Variants in SGCG observed in about 807,000 individuals in gnomAD.
SGCG encodes the protein gamma-sarcoglycan.
Under a neutral mutation model 29.3 loss-of-function variants are expected in SGCG, and 26 were observed. The ratio of observed to expected loss-of-function variants is 0.89; its 90% CI spans 0.65 to 1.23. The LOEUF is 1.23. Among genes scored for constraint, SGCG ranks in the 50% most tolerant of loss-of-function variants. The pLI, the probability that SGCG is intolerant of heterozygous loss-of-function variation, is 0.00. For missense variants in SGCG, 353 were observed against 356.0 expected (o/e 0.99, Z 0.07); for synonymous variants, 145 against 129.7 (o/e 1.12, Z -0.80).
chr13:23,230,905 GTATGA>G (rs1879083152), intron 2 of SGCG, among the ~76,000 whole-genome samples: 1 of 152,090 alleles, frequency 6.6e-6, no homozygotes, highest in African/African-American at 2.4e-5. Context: ...TAACCATTCA[GTATGA>G]TATTGGCTGT....
At chr13:23,172,575 A>G in the SGCG span, among the ~76,000 whole-genome samples, 1 of 152,204 alleles carries the variant, frequency 6.6e-6, no homozygotes, top group Non-Finnish European at 1.5e-5. Context: ...TAACCATATT[A>G]TTGAGTATGT....
chr13:23,260,908 C>G (rs1593203487), intron 4 of SGCG, among the ~76,000 whole-genome samples: 1 of 152,242 alleles, frequency 6.6e-6, no homozygotes, highest in African/African-American at 2.4e-5. Flanking sequence ...GAGATCTGCT[C>G]TTAGTCTTAT....
At chr13:23,264,731 A>G (rs1375039381) in intron 4 of SGCG, among the ~76,000 whole-genome samples, 1 of 152,240 alleles carries the variant, frequency 6.6e-6, no homozygotes, top group Non-Finnish European at 1.5e-5. Context: ...AAGTAGATAC[A>G]TAGATCAATG....
At chr13:23,296,143 C>T (rs1276826813) in intron 6 of SGCG, among the ~76,000 whole-genome samples, 3 of 152,220 alleles carry the variant, frequency 2.0e-5, no homozygotes, top group Non-Finnish European at 4.4e-5. Flanking sequence ...TTTTACAATT[C>T]TTAACACAAA....
At chr13:23,177,659 C>A (rs759514908), upstream of SGCG, among the ~76,000 whole-genome samples, 1 of 147,274 alleles carries the variant, frequency 6.8e-6, no homozygotes, top group Admixed American at 6.8e-5. Context: ...GCAACTACCA[C>A]CTCCCAGGTT....
At chr13:23,227,570 C>T (rs1276366365) in intron 2 of SGCG, among the ~76,000 whole-genome samples, 1 of 152,176 alleles carries the variant, frequency 6.6e-6, no homozygotes. Context: ...GTTTGGCACA[C>T]AACCAATGGA....
intron 1 of SGCG, among the ~76,000 whole-genome samples, chr13:23,186,773 A>G (rs55669067): frequency 0.14 from 21,757 of 152,146 alleles, 1,679 homozygotes; most frequent in Non-Finnish European, 0.18. Flanking sequence ...GGGCTCATGT[A>G]CCTAGCGCCC....
At chr13:23,207,566 C>T (rs1286571353) in intron 2 of SGCG, among the ~76,000 whole-genome samples, 4 of 152,116 alleles carry the variant, frequency 2.6e-5, no homozygotes, top group Admixed American at 2.6e-4. Flanking sequence ...AACTATATAA[C>T]TGATAAGGGG....
At chr13:23,164,196 C>G in the SGCG span, among the ~76,000 whole-genome samples, 1 of 152,134 alleles carries the variant, frequency 6.6e-6, no homozygotes, top group Non-Finnish European at 1.5e-5. Context: ...TTGTTTATAA[C>G]TCCCCTTAAT....
intron 7 of SGCG, among the ~76,000 whole-genome samples, chr13:23,321,045 C>T (rs1045115469): frequency 6.6e-6 from 1 of 151,590 alleles, no homozygotes; most frequent in Non-Finnish European, 1.5e-5. Context: ...AAAAAAAAAA[C>T]ACTACAGACG....
chr13:23,192,632 G>A (rs1877321836), intron 1 of SGCG, among the ~76,000 whole-genome samples: 1 of 152,038 alleles, frequency 6.6e-6, no homozygotes, highest in Admixed American at 6.5e-5. Context: ...CTGACCTCAG[G>A]TGATCCACCT....
rs193184081 is a variant in SGCG at position 23,269,707 on chromosome 13, A to G, written c.386-9652A>G. Among the ~76,000 whole-genome samples the G allele has an allele frequency of 4.5e-4, 68 of 152,186 alleles. No individual in the cohort carries two copies. In the East Asian group the frequency reaches 9.9e-3, roughly 22 times the overall value. On this transcript the variant is annotated intron_variant, in intron 4 of 7. Transcript: ENST00000218867. Reference sequence around the variant, plus strand: ...ATAAACATCTTCCTTATTATTTTTCACAGCTGCATAGTACCCTATTATGTG... The same window carrying G: ...ATAAACATCTTCCTTATTATTTTTCGCAGCTGCATAGTACCCTATTATGTG...
intron 2 of SGCG, among the ~76,000 whole-genome samples, chr13:23,213,086 A>C (rs1428746365): frequency 6.6e-6 from 1 of 151,904 alleles, no homozygotes; most frequent in Non-Finnish European, 1.5e-5. Context: ...TTATTACCCT[A>C]TCTCTGCAGT....
intron 3 of SGCG, among the ~76,000 whole-genome samples, chr13:23,248,730 T>C (rs80315998): frequency 0.023 from 3,145 of 136,540 alleles, 118 homozygotes; most frequent in Admixed American, 0.1. Context: ...CGGTGGCTGA[T>C]GCCTGTAATC....
At chr13:23,265,504 G>A (rs986356277) in intron 4 of SGCG, among the ~76,000 whole-genome samples, 1 of 152,170 alleles carries the variant, frequency 6.6e-6, no homozygotes, top group Non-Finnish European at 1.5e-5. Flanking sequence ...CTTGAACCTG[G>A]GAGGTGGAGG....
intron 3 of SGCG, among the ~76,000 whole-genome samples, chr13:23,248,214 T>C (rs934313623): frequency 6.6e-6 from 1 of 151,896 alleles, no homozygotes; most frequent in East Asian, 1.9e-4. Flanking sequence ...CAAAAAAAAA[T>C]TTTTTTAATT....
At chr13:23,282,650 A>G (rs1470520327) in intron 5 of SGCG, among the ~76,000 whole-genome samples, 1 of 152,226 alleles carries the variant, frequency 6.6e-6, no homozygotes, top group Non-Finnish European at 1.5e-5. Flanking sequence ...TGTCCCTAGA[A>G]GGGCATGCAT....
intron 2 of SGCG, among the ~76,000 whole-genome samples, chr13:23,223,160 T>C (rs1016831154): frequency 2.6e-5 from 4 of 151,406 alleles, no homozygotes; most frequent in Non-Finnish European, 5.9e-5. Flanking sequence ...CGCCTGTAGT[T>C]CCAGCTACTC....
At chr13:23,258,869 A>G (rs1353547352) in intron 4 of SGCG, among the ~76,000 whole-genome samples, 1 of 151,956 alleles carries the variant, frequency 6.6e-6, no homozygotes, top group East Asian at 1.9e-4. Context: ...GCATATGTTG[A>G]ACCAATCTTG....
Sources: gnomAD v4.1 joint callset for allele counts (sites outside exome capture counted in the v4.1 genomes callset) on GRCh38, gnomAD v4.1.1 for gene constraint, MANE v1.5 for transcripts, NCBI Gene and HGNC (gene_info 2026-07-23, HGNC 2026-07-21) for gene names.